The following CTSH variants were observed in gnomAD, a reference collection of about 807,000 sequenced individuals.
The protein encoded by CTSH is cathepsin H.
A neutral mutation model predicts 56.3 loss-of-function variants in CTSH; 52 were observed. That is an observed-to-expected ratio of 0.92 (90% CI 0.74 to 1.16). The LOEUF is 1.16. Among genes scored for constraint, CTSH ranks in the 50% most tolerant of loss-of-function variants. The pLI, the probability that CTSH is intolerant of heterozygous loss-of-function variation, is 0.00. For synonymous variants in CTSH, 174 were observed against 155.7 expected (o/e 1.12, Z -0.88); for missense variants, 406 against 424.5 (o/e 0.96, Z 0.38).
intron 6 of CTSH, 142 bp from the exon 7 acceptor site, chr15:78,931,648 G>A (rs2055063806): frequency 2.6e-6 from 4 of 1,524,200 alleles, no homozygotes; most frequent in East Asian, 2.4e-5. Context: ...AACTCCCCAA[G>A]GGCAGGGACA....
rs76232929 is a variant in CTSH, at chr15:78,937,014, C to G, written c.229+304G>C. The G allele has an allele frequency of 3.3e-3, 1,172 of 350,024 alleles. 15 individuals are homozygous for G. Among genetic ancestry groups the G allele is most frequent in the African/African-American group, 0.023 (1,090 of 47,256 alleles). 21.7% of individuals were successfully genotyped at this position (350,024 alleles called of 1,614,324 possible). On this transcript the variant is annotated intron_variant, in intron 3 of 11. Transcript: ENST00000220166. ...GAGCCCATGAGCAACCCCTACCCCC[C>G]GCAACAATCCAAAGACAGACCTTGG... is the stretch of plus-strand genomic sequence containing the variant.
intron 6 of CTSH, 26 bp downstream of exon 6, chr15:78,932,346 G>C (rs1391761459): frequency 6.2e-7 from 1 of 1,606,282 alleles, no homozygotes; most frequent in Non-Finnish European, 8.5e-7. Flanking sequence ...TCCTCCGCAG[G>C]GGGTCGCCTG....
chr15:78,937,216 T>C, intron 3 of CTSH, 102 bp downstream of exon 3: 7 of 872,086 alleles, frequency 8.0e-6, no homozygotes, highest in South Asian at 7.2e-5. Flanking sequence ...CTTCAGAGCC[T>C]GGGCTTCTGC....
At chr15:78,923,946 C>T (rs934425265) in intron 10 of CTSH, among the ~76,000 whole-genome samples, 14 of 152,112 alleles carry the variant, frequency 9.2e-5, no homozygotes, top group East Asian at 1.9e-4. Flanking sequence ...GGCCAGGTGC[C>T]GGGATCCAGG....
chr15:78,927,685 C>T (rs2054941562), intron 9 of CTSH, 28 bp downstream of exon 9: 1 of 1,608,298 alleles, frequency 6.2e-7, no homozygotes, highest in South Asian at 1.1e-5. Context: ...GGACACATTC[C>T]CCATCCCAGA....
At chr15:78,935,126 C>T (rs2055148505) in intron 4 of CTSH, 44 bp from the exon 5 acceptor site, 1 of 1,314,144 alleles carries the variant, frequency 7.6e-7, no homozygotes, top group Admixed American at 1.8e-5. Flanking sequence ...TAAACAAAAC[C>T]AAAAACCTTT....
At chr15:78,924,609 T>A (rs999572969) in intron 10 of CTSH, among the ~76,000 whole-genome samples, 5 of 151,972 alleles carry the variant, frequency 3.3e-5, no homozygotes, top group Admixed American at 6.6e-5. Flanking sequence ...AAGCCTGGGG[T>A]GACTCCTCCA....
rs11638844 is a variant in CTSH, at chr15:78,939,176, A to G, written c.92-5T>C. On this transcript the variant is annotated splice_polypyrimidine_tract_variant and splice_region_variant and intron_variant, in intron 1 of 11. Transcript: ENST00000220166. Reference sequence around the variant, plus strand: ...ATGACTTGAAGTGAAACTTCTCTGTAAAAAGAAAAAAAAAATTAGGTCTGG... The same window carrying G: ...ATGACTTGAAGTGAAACTTCTCTGTGAAAAGAAAAAAAAAATTAGGTCTGG... 1,021,431 of 1,584,466 alleles carry G rather than the reference A, an allele frequency of 0.64. 337,609 individuals are homozygous for G. Among genetic ancestry groups the G allele is most frequent in the Non-Finnish European group, 0.68 (794,762 of 1,166,244 alleles).
At chr15:78,939,115 CAA>C (rs1306356666) in intron 2 of CTSH, 23 bp downstream of exon 2, 2 of 1,582,276 alleles carry the variant, frequency 1.3e-6, no homozygotes, top group Admixed American at 3.7e-5. Flanking sequence ...TGAAAAACTT[CAA>C]AAAGAAGAAG....
At chr15:78,928,564 C>CAAA (rs869261525) in intron 8 of CTSH, among the ~76,000 whole-genome samples, 66 of 65,226 alleles carry the variant, frequency 1.0e-3, no homozygotes, top group Non-Finnish European at 1.6e-3. Context: ...GACTCCGTCT[C>CAAA]AAAAAAAAAA....
intron 5 of CTSH, among the ~76,000 whole-genome samples, chr15:78,932,690 G>C (rs575956398): frequency 1.3e-5 from 2 of 151,772 alleles, no homozygotes; most frequent in South Asian, 2.1e-4. Context: ...TCTGAGCCTC[G>C]CAAGTCCTGA....
chr15:78,939,618 T>C (rs1280768460), intron 1 of CTSH, among the ~76,000 whole-genome samples: 2 of 152,214 alleles, frequency 1.3e-5, no homozygotes, highest in African/African-American at 4.8e-5. Context: ...CTGGGCGCGG[T>C]GGCTCATGCC....
rs777466079 is a variant in CTSH, at chr15:78,935,000, A to C, written c.383T>G (p.Phe128Cys). 3.7e-6 allele frequency: 6 copies of C among 1,613,910 alleles called. No individual in the cohort carries two copies. The highest frequency in any genetic ancestry group is 5.1e-6 in the Non-Finnish European group (6 of 1,179,788). The part of the protein sequence containing the change: ...PSVDWRKKGN[F>C]VSPVKNQGAC... ...TACCTGATTTTTCACAGGTGAGACA[A>C]AATTTCCTTTTTTCCGCCAGTCCAC... is the stretch of plus-strand genomic sequence containing the variant. The change falls in exon 5 of 12, where the codon TTT (phenylalanine) becomes TGT (cysteine). Residue 128 changes from phenylalanine to cysteine, a missense_variant. Physicochemically the swap from Phe to Cys is radical, Grantham distance 205. Coordinates refer to ENST00000220166, the MANE Select transcript of CTSH (RefSeq NM_004390.5).
chr15:78,927,872 A>C, intron 8 of CTSH, 91 bp from the exon 9 acceptor site: 1 of 1,031,310 alleles, frequency 9.7e-7, no homozygotes, highest in South Asian at 1.3e-5. Flanking sequence ...TAAACAAAAC[A>C]AGATGTGCCA....
chr15:78,943,519 C>G (rs183984684), intron 1 of CTSH, among the ~76,000 whole-genome samples: 310 of 152,250 alleles, frequency 2.0e-3, no homozygotes, highest in African/African-American at 6.8e-3. Context: ...TGTGAGCCAC[C>G]GCAGCCGGTC....
At chr15:78,924,223 G>A (rs968731482) in intron 10 of CTSH, among the ~76,000 whole-genome samples, 29 of 152,172 alleles carry the variant, frequency 1.9e-4, no homozygotes, top group Non-Finnish European at 3.4e-4. Context: ...CGGCGGGGAC[G>A]GGTTTGATGG....
At chr15:78,932,287 G>T in intron 6 of CTSH, 85 bp downstream of exon 6, 1 of 1,256,348 alleles carries the variant, frequency 8.0e-7, no homozygotes, top group Non-Finnish European at 1.2e-6. Flanking sequence ...CTTAGCCAAT[G>T]CTCCAGGGAA....
Position 78,921,880 on chromosome 15 carries a change from C to A in CTSH, c.*250G>T. 2 of 526,294 alleles carry A rather than the reference C, an allele frequency of 3.8e-6. No homozygotes were observed. Among genetic ancestry groups the A allele is most frequent in the South Asian group, 2.7e-5 (1 of 37,652 alleles). 32.6% of individuals were successfully genotyped at this position (526,294 alleles called of 1,614,324 possible). Reference sequence around the variant, plus strand: ...CTGGACAGAAAGAATATTCGTGGTCCATGTGGTTTGAGTCTGTTAAGAAGG... The same window carrying A: ...CTGGACAGAAAGAATATTCGTGGTCAATGTGGTTTGAGTCTGTTAAGAAGG... On this transcript the variant is annotated 3_prime_UTR_variant, in exon 12 of 12. Transcript: ENST00000220166.
intron 1 of CTSH, among the ~76,000 whole-genome samples, chr15:78,941,239 A>G (rs2055281031): frequency 6.6e-6 from 1 of 150,978 alleles, no homozygotes; most frequent in African/African-American, 2.4e-5. Flanking sequence ...AGCCTGGCCA[A>G]CATGGTGAAA....
Sources: allele counts gnomAD v4.1 joint callset (sites outside exome capture counted in the v4.1 genomes callset), GRCh38; gene constraint gnomAD v4.1.1; transcripts MANE v1.5; gene names NCBI Gene and HGNC (gene_info 2026-07-23, HGNC 2026-07-21).